The following RGS6 variants were observed in gnomAD, a reference collection of about 807,000 sequenced individuals.
RGS6 encodes the protein regulator of G-protein signaling 6.
In RGS6, 30 loss-of-function variants were observed where a neutral mutation model predicts 78.5. The ratio of observed to expected loss-of-function variants is 0.38; its 90% confidence interval spans 0.29 to 0.52. The LOEUF (loss-of-function observed/expected upper bound fraction) is 0.52. RGS6 is among the 20% of genes least tolerant of loss of function. The probability of loss-of-function intolerance (pLI) is 0.85; values close to 1 mark genes in which losing one functional copy is unlikely to be tolerated. For synonymous variants in RGS6, 206 were observed against 206.0 expected (o/e 1.00, Z 0.00); for missense variants, 495 against 609.7 (o/e 0.81, Z 1.98).
intron 2 of RGS6, among the ~76,000 whole-genome samples, chr14:72,117,338 G>A (rs561433919): frequency 8.5e-5 from 13 of 152,184 alleles, no homozygotes; most frequent in African/African-American, 2.9e-4. Flanking sequence ...CCTCCCTGAG[G>A]TCATGAGTTC....
chr14:72,187,838 A>G (rs2097267796), intron 2 of RGS6, among the ~76,000 whole-genome samples: 1 of 151,962 alleles, frequency 6.6e-6, no homozygotes, highest in Non-Finnish European at 1.5e-5. Flanking sequence ...GTAACGGCAA[A>G]ATCAATGCTC....
At chr14:72,439,302 G>C (rs2095083437) in intron 3 of RGS6, among the ~76,000 whole-genome samples, 5 of 152,230 alleles carry the variant, frequency 3.3e-5, no homozygotes, top group Admixed American at 3.3e-4. Context: ...CTCGATAAAT[G>C]CTTTAGTGAA....
the RGS6 span, among the ~76,000 whole-genome samples, chr14:72,614,425 C>T: frequency 1.7e-4 from 26 of 152,298 alleles, no homozygotes; most frequent in South Asian, 1.9e-3. Flanking sequence ...GAGCTCTGTC[C>T]ACTTTGCAGA....
chr14:71,972,904 A>G (rs1272061149), intron 2 of RGS6, among the ~76,000 whole-genome samples: 1 of 152,192 alleles, frequency 6.6e-6, no homozygotes, highest in Non-Finnish European at 1.5e-5. Context: ...TGTGATTCTC[A>G]GAAAGTCTCC....
At chr14:72,383,962 T>C (rs1360173181) in intron 3 of RGS6, among the ~76,000 whole-genome samples, 1 of 152,232 alleles carries the variant, frequency 6.6e-6, no homozygotes, top group Non-Finnish European at 1.5e-5. Context: ...CTACAGTTAC[T>C]TTTGCATTGT....
chr14:71,903,016 G>A, the RGS6 span, among the ~76,000 whole-genome samples: 1 of 152,156 alleles, frequency 6.6e-6, no homozygotes, highest in Non-Finnish European at 1.5e-5. Context: ...ACATATCCAA[G>A]CCCCTTTGTT....
chr14:72,331,651 C>A (rs1595892659), intron 2 of RGS6, among the ~76,000 whole-genome samples: 2 of 152,078 alleles, frequency 1.3e-5, no homozygotes, highest in African/African-American at 4.8e-5. Flanking sequence ...CAGTCATTCA[C>A]TCTCTCCCCC....
chr14:72,181,220 G>A (rs1311845824), intron 2 of RGS6, among the ~76,000 whole-genome samples: 2 of 152,144 alleles, frequency 1.3e-5, no homozygotes, highest in Non-Finnish European at 2.9e-5. Flanking sequence ...GTGGGGAATG[G>A]GATTTTCCAT....
At chr14:72,016,240 T>A (rs2086941263) in intron 2 of RGS6, among the ~76,000 whole-genome samples, 1 of 152,230 alleles carries the variant, frequency 6.6e-6, no homozygotes, top group Non-Finnish European at 1.5e-5. Context: ...GGAATCCACT[T>A]TTATCTTTTT....
chr14:72,203,887 C>A (rs1475057323), intron 2 of RGS6, among the ~76,000 whole-genome samples: 2 of 147,866 alleles, frequency 1.4e-5, no homozygotes, highest in Non-Finnish European at 3.0e-5. Context: ...TGCAGTGATA[C>A]TTCCTTGGCT....
At chr14:72,100,551 C>T (rs137904712) in intron 2 of RGS6, among the ~76,000 whole-genome samples, 6 of 152,182 alleles carry the variant, frequency 3.9e-5, no homozygotes, top group East Asian at 1.9e-4. Context: ...AGGCATCGTG[C>T]GGACAGGGGA....
At chr14:72,175,968 T>C (rs986098257) in intron 2 of RGS6, among the ~76,000 whole-genome samples, 1 of 152,140 alleles carries the variant, frequency 6.6e-6, no homozygotes, top group Non-Finnish European at 1.5e-5. Flanking sequence ...ATCCCCTACC[T>C]TGCTCCCCAA....
intron 13 of RGS6, among the ~76,000 whole-genome samples, chr14:72,502,021 G>T (rs547401624): frequency 1.8e-4 from 28 of 152,306 alleles, no homozygotes; most frequent in Admixed American, 1.6e-3. Flanking sequence ...TTTACATCAA[G>T]TAGGACACCA....
chr14:71,896,671 A>G, the RGS6 span, among the ~76,000 whole-genome samples: 87,647 of 152,030 alleles, frequency 0.58, 26,901 homozygotes, highest in Non-Finnish European at 0.68. Context: ...TGCCTCTGAC[A>G]AAAGGACTCT....
At chr14:72,504,107 G>A (rs1273279181) in intron 13 of RGS6, among the ~76,000 whole-genome samples, 2 of 152,218 alleles carry the variant, frequency 1.3e-5, no homozygotes. Flanking sequence ...GCAAGTGGCA[G>A]CCCTGATGAA....
chr14:72,250,398 C>T (rs199577869), intron 2 of RGS6, among the ~76,000 whole-genome samples: 8 of 7,860 alleles, frequency 1.0e-3, no homozygotes, highest in Non-Finnish European at 1.7e-3. Context: ...GTAAATACAC[C>T]GAAAAAAAAA....
chr14:72,339,619 G>T (rs2076624160), intron 2 of RGS6, among the ~76,000 whole-genome samples: 1 of 152,050 alleles, frequency 6.6e-6, no homozygotes, highest in African/African-American at 2.4e-5. Context: ...ACATTTTTTG[G>T]TGCAGGAACA....
At chr14:72,345,518 A>G (rs1463058716) in intron 2 of RGS6, among the ~76,000 whole-genome samples, 1 of 152,178 alleles carries the variant, frequency 6.6e-6, no homozygotes, top group Non-Finnish European at 1.5e-5. Context: ...ATGATAAAAG[A>G]GGGTTGGAAA....
rs539720532 is a variant in RGS6 at position 72,399,520 on chromosome 14, G to A, written c.184+47326G>A. 2.0e-5 allele frequency among the ~76,000 whole-genome samples: 3 copies of A among 152,142 alleles called. No individual in the cohort carries two copies. The South Asian group carries it at 6.3e-4, about 32-fold the overall frequency. On this transcript the variant is annotated intron_variant, in intron 3 of 17. Coordinates refer to ENST00000553525, the MANE Select transcript of RGS6 (RefSeq NM_001204424.2). ...CTGTGTCTTTTAATTAGAGCATTTG[G>A]CCCATTTACATTTAAGGTTAGTATT...
Sources: allele counts gnomAD v4.1 joint callset (sites outside exome capture counted in the v4.1 genomes callset), GRCh38; gene constraint gnomAD v4.1.1; transcripts MANE v1.5; gene names NCBI Gene and HGNC (gene_info 2026-07-23, HGNC 2026-07-21).